The following WWC2 variants were observed in gnomAD, a reference collection of about 807,000 sequenced individuals.
WWC2 encodes the protein WW and C2 domain containing 2.
In WWC2, 101 loss-of-function variants were observed where a neutral mutation model predicts 138.5. That is an observed-to-expected ratio of 0.73 (90% confidence interval 0.62 to 0.86). WWC2 has a LOEUF of 0.86. WWC2 is among the 40% of genes least tolerant of loss of function. The pLI, the probability that WWC2 is intolerant of heterozygous loss-of-function variation, is 0.00. For synonymous variants in WWC2, 558 were observed against 538.4 expected, an observed-to-expected ratio of 1.04 and a Z score of -0.50; for missense variants, 1,420 against 1,419.4, an observed-to-expected ratio of 1.00 and a Z score of -0.01.
At chr4:183,280,694 A>G in intron 16 of WWC2, 82 bp from the exon 17 acceptor site, 1 of 1,410,800 alleles carries the variant, frequency 7.1e-7, no homozygotes, top group Non-Finnish European at 9.6e-7. Flanking sequence ...TACAGATAGA[A>G]GTGTAAATTC....
At chr4:183,207,039 A>T (rs1015521247) in intron 2 of WWC2, among the ~76,000 whole-genome samples, 5 of 152,314 alleles carry the variant, frequency 3.3e-5, no homozygotes, top group Admixed American at 2.6e-4. Context: ...TGACTTGCAG[A>T]TGAGGTGGCT....
At chr4:183,143,117 A>C (rs1178628591) in intron 1 of WWC2, among the ~76,000 whole-genome samples, 2 of 152,072 alleles carry the variant, frequency 1.3e-5, no homozygotes, top group Admixed American at 1.3e-4. Flanking sequence ...TTGCAGACTA[A>C]TTTTCTTTTT....
At chr4:183,282,273 T>C (rs977180065) in intron 17 of WWC2, among the ~76,000 whole-genome samples, 2 of 152,244 alleles carry the variant, frequency 1.3e-5, no homozygotes, top group African/African-American at 4.8e-5. Context: ...TTCTCCCTGC[T>C]CGACTGTGAG....
chr4:183,187,719 A>C (rs901320349), intron 1 of WWC2, among the ~76,000 whole-genome samples: 2 of 151,162 alleles, frequency 1.3e-5, no homozygotes, highest in Non-Finnish European at 2.9e-5. Context: ...AAAAATACAA[A>C]AAAATTAGCT....
Position 183,236,903 on chromosome 4 carries a change from T to C in WWC2, c.523-3280T>C, listed in dbSNP as rs576345989. 6.6e-5 allele frequency among the ~76,000 whole-genome samples: 10 copies of C among 152,294 alleles called. No individual in the cohort carries two copies. In the East Asian group the frequency reaches 1.9e-3, roughly 29 times the overall value. ...ATCCATGAACATGGTCTATCTTACC[T>C]TTTTTTGTGTGTCCTCTTCAACTTC... On this transcript the variant is annotated intron_variant, in intron 4 of 22. Transcript: ENST00000403733.
rs1737062715 is a variant in WWC2 at position 183,254,012 on chromosome 4, T to C, written c.1196+13T>C. The C allele has an allele frequency of 6.2e-7, 1 of 1,609,828 alleles. No individual in the cohort carries two copies. The highest frequency in any genetic ancestry group is 1.1e-5 in the South Asian group (1 of 90,592). ...CTCTGGCCGAGAGGTTTGTTTTCCT[T>C]CTGGAAATAGGGCAGCTTAACTCTT... On this transcript the variant is annotated intron_variant, in intron 9 of 22. Coordinates refer to ENST00000403733, the MANE Select transcript of WWC2 (RefSeq NM_024949.6).
intron 4 of WWC2, among the ~76,000 whole-genome samples, chr4:183,213,600 T>C (rs1258764536): frequency 6.6e-6 from 1 of 152,224 alleles, no homozygotes; most frequent in African/African-American, 2.4e-5. Context: ...ATATATTTCA[T>C]GTTATGTTAT....
intron 21 of WWC2, among the ~76,000 whole-genome samples, chr4:183,297,410 C>CTTT (rs35089821): frequency 2.1e-5 from 3 of 140,768 alleles, no homozygotes; most frequent in Admixed American, 7.1e-5. Context: ...GAGATAAACA[C>CTTT]TTTTTTTTTT....
chr4:183,246,352 G>A (rs1736780658), intron 6 of WWC2, among the ~76,000 whole-genome samples: 2 of 152,098 alleles, frequency 1.3e-5, no homozygotes, highest in African/African-American at 4.8e-5. Flanking sequence ...ATGGGAAAAT[G>A]TTAGAGTCAC....
intron 2 of WWC2, among the ~76,000 whole-genome samples, chr4:183,196,924 T>A (rs1199220559): frequency 2.6e-5 from 4 of 152,202 alleles, no homozygotes; most frequent in Non-Finnish European, 4.4e-5. Context: ...GGGATTTTTT[T>A]AAAAAGCATT....
At chr4:183,125,316 G>A (rs2111057723) in intron 1 of WWC2, among the ~76,000 whole-genome samples, 1 of 152,240 alleles carries the variant, frequency 6.6e-6, no homozygotes, top group African/African-American at 2.4e-5. Flanking sequence ...ATATATGAGT[G>A]CTCCCTGACA....
chr4:183,164,279 TATATATATATATATATATATAC>T (rs1561443536), intron 1 of WWC2, among the ~76,000 whole-genome samples: 409 of 1,182 alleles, frequency 0.35, 24 homozygotes, highest in African/African-American at 0.36. Flanking sequence ...TATATATATA[TATATATATATATATATATATAC>T]ATATATATAT....
intron 1 of WWC2, among the ~76,000 whole-genome samples, chr4:183,192,243 A>G (rs1203126625): frequency 6.6e-6 from 1 of 152,166 alleles, no homozygotes; most frequent in Admixed American, 6.5e-5. Flanking sequence ...TCCTGAGTTT[A>G]TTTTAGGAGC....
At chr4:183,194,464 ATAAT>A (rs1735076887) in intron 2 of WWC2, among the ~76,000 whole-genome samples, 1 of 152,350 alleles carries the variant, frequency 6.6e-6, no homozygotes, top group African/African-American at 2.4e-5. Flanking sequence ...TCACTTAAAA[ATAAT>A]TATTTTATTT....
intron 1 of WWC2, among the ~76,000 whole-genome samples, chr4:183,127,750 C>T (rs1002253713): frequency 6.6e-6 from 1 of 151,948 alleles, no homozygotes; most frequent in East Asian, 1.9e-4. Context: ...TAAATGTGTA[C>T]AATACAATTT....
chr4:183,246,878 A>G (rs1736797157), intron 6 of WWC2, among the ~76,000 whole-genome samples: 1 of 152,180 alleles, frequency 6.6e-6, no homozygotes, highest in African/African-American at 2.4e-5. Context: ...CCTTTAAAAA[A>G]AAAAGTTAAT....
chr4:183,259,276 A>G (rs1737247870), intron 9 of WWC2, among the ~76,000 whole-genome samples: 1 of 152,168 alleles, frequency 6.6e-6, no homozygotes, highest in South Asian at 2.1e-4. Context: ...TTCCCAGGTC[A>G]CAGATCTGTG....
intron 1 of WWC2, among the ~76,000 whole-genome samples, chr4:183,163,777 G>A (rs1424709794): frequency 1.3e-5 from 2 of 152,004 alleles, no homozygotes; most frequent in Non-Finnish European, 1.5e-5. Context: ...GTGAAGAGAT[G>A]GTGGGTATTT....
At position 183,282,865 on chromosome 4, in the gene WWC2, A is replaced by G. The variant is rs1651332365; in HGVS notation, c.2842A>G (p.Lys948Glu). Residue 948 changes from lysine to glutamate, a missense_variant, in exon 18 of 23, where the codon AAA becomes GAA. Lys to Glu is a moderately conservative substitution (Grantham distance 56, BLOSUM62 1). Coordinates refer to ENST00000403733, the MANE Select transcript of WWC2 (RefSeq NM_024949.6). ...DGNRKESNCA[K>E]DLRSQPPTRI... ...GAACAGGAAAGAAAGCAACTGTGCCAAAGACCTCAGAAGTCAGCCACCTAC... is the reference window on the plus strand; with the variant it reads ...GAACAGGAAAGAAAGCAACTGTGCCGAAGACCTCAGAAGTCAGCCACCTAC... The G allele has an allele frequency of 6.3e-7, 1 of 1,591,566 alleles. No homozygotes were observed. The highest frequency in any genetic ancestry group is 8.6e-7 in the Non-Finnish European group (1 of 1,168,556).
Sources: gnomAD v4.1 joint callset for allele counts (sites outside exome capture counted in the v4.1 genomes callset) on GRCh38, gnomAD v4.1.1 for gene constraint, MANE v1.5 for transcripts, NCBI Gene and HGNC (gene_info 2026-07-23, HGNC 2026-07-21) for gene names.